Variants in LARP4 observed in about 807,000 individuals in gnomAD.
LARP4 encodes La ribonucleoprotein 4.
Under a neutral mutation model 92.9 loss-of-function variants are expected in LARP4, and 29 were observed. The ratio of observed to expected loss-of-function variants is 0.31; its 90% CI spans 0.23 to 0.43. LARP4 has a LOEUF of 0.43. LARP4 is among the 20% of genes least tolerant of loss of function. The pLI, the probability that LARP4 is intolerant of heterozygous loss-of-function variation, is 1.00. For missense variants in LARP4, 732 were observed against 860.0 expected, an observed-to-expected ratio of 0.85 and a Z score of 1.86; for synonymous variants, 279 against 284.1, an observed-to-expected ratio of 0.98 and a Z score of 0.18.
intron 1 of LARP4, among the ~76,000 whole-genome samples, chr12:50,406,147 A>G (rs878871898): frequency 1.3e-5 from 2 of 152,154 alleles, no homozygotes; most frequent in Non-Finnish European, 2.9e-5. Context: ...CATACGACCT[A>G]GGACGCTTTA....
chr12:50,412,092 A>T (rs948792835), intron 1 of LARP4, among the ~76,000 whole-genome samples: 1 of 152,174 alleles, frequency 6.6e-6, no homozygotes, highest in African/African-American at 2.4e-5. Flanking sequence ...TAAAATGTGG[A>T]TGATAATAGG....
At chr12:50,407,094 C>T (rs995569475) in intron 1 of LARP4, among the ~76,000 whole-genome samples, 4 of 152,100 alleles carry the variant, frequency 2.6e-5, no homozygotes, top group Non-Finnish European at 2.9e-5. Context: ...GGCATGATCT[C>T]GGCTCACTGC....
chr12:50,401,255 A>C, intron 1 of LARP4: 2 of 594,852 alleles, frequency 3.4e-6, no homozygotes, highest in Non-Finnish European at 3.0e-6. Context: ...TTGAAGGAGA[A>C]AAACGGAGGG....
chr12:50,466,055 G>A (rs749377642), intron 12 of LARP4, among the ~76,000 whole-genome samples: 1 of 152,122 alleles, frequency 6.6e-6, no homozygotes, highest in Non-Finnish European at 1.5e-5. Context: ...GTGTTCCCAA[G>A]GAAAGGATGG....
chr12:50,473,551 A>G lies in LARP4; in HGVS notation c.1667+15A>G, dbSNP rs1957166711. ...ACTGCATTAAGGTACAAGTTATAGT[A>G]TAGAAGATCTTCAACATTAAATTAC... On this transcript the variant is annotated intron_variant, in intron 14 of 15. Coordinates refer to ENST00000398473, the MANE Select transcript of LARP4 (RefSeq NM_052879.5). 3.7e-6 allele frequency: 6 copies of G among 1,606,572 alleles called. No homozygotes were observed. The highest frequency in any genetic ancestry group is 1.1e-5 in the South Asian group (1 of 90,832).
chr12:50,467,223 C>T (rs1489557271), intron 13 of LARP4, 103 bp downstream of exon 13: 1 of 850,562 alleles, frequency 1.2e-6, no homozygotes, highest in Non-Finnish European at 1.7e-6. Flanking sequence ...ACATTTCTAT[C>T]ATAGTTTTTA....
intron 13 of LARP4, among the ~76,000 whole-genome samples, chr12:50,470,521 T>A (rs1255004220): frequency 6.6e-6 from 1 of 151,488 alleles, no homozygotes. Flanking sequence ...GCAACCTCCA[T>A]CTCCCAGGTT....
chr12:50,408,119 T>C (rs987623490), intron 1 of LARP4, among the ~76,000 whole-genome samples: 4 of 146,820 alleles, frequency 2.7e-5, no homozygotes, highest in Non-Finnish European at 4.5e-5. Flanking sequence ...AATGCCAAAC[T>C]CCAGGGATGA....
intron 4 of LARP4, among the ~76,000 whole-genome samples, chr12:50,434,889 C>CA (rs943478690): frequency 6.0e-5 from 9 of 150,818 alleles, no homozygotes; most frequent in African/African-American, 1.5e-4. Flanking sequence ...CTAAAAAATA[C>CA]AAAAAAAAAT....
intron 9 of LARP4, 136 bp from the exon 10 acceptor site, chr12:50,454,178 A>T: frequency 1.6e-6 from 1 of 606,534 alleles, no homozygotes; most frequent in Non-Finnish European, 2.9e-6. Flanking sequence ...AATATTGCAG[A>T]AATGAATCAG....
chr12:50,470,844 T>C (rs7964643), intron 13 of LARP4, among the ~76,000 whole-genome samples: 17,817 of 152,202 alleles, frequency 0.12, 1,921 homozygotes, highest in African/African-American at 0.28. Flanking sequence ...CCTTCAGATA[T>C]AAACATTATT....
chr12:50,428,317 C>A (rs917633936), intron 2 of LARP4, among the ~76,000 whole-genome samples: 1 of 152,112 alleles, frequency 6.6e-6, no homozygotes, highest in Non-Finnish European at 1.5e-5. Context: ...TGTGAACCAC[C>A]ATGCCTGGCC....
At chr12:50,430,385 T>G (rs1949463479) in intron 3 of LARP4, 110 bp from the exon 4 acceptor site, 1 of 611,642 alleles carries the variant, frequency 1.6e-6, no homozygotes, top group Non-Finnish European at 2.9e-6. Flanking sequence ...AGCTTTGTGG[T>G]GAATTTTGAT....
At position 50,478,314 on chromosome 12, in the gene LARP4, T is replaced by A. The variant is rs1175222208; in HGVS notation, c.*2450T>A. On this transcript the variant is annotated 3_prime_UTR_variant, in exon 16 of 16. Coordinates refer to ENST00000398473, the MANE Select transcript of LARP4 (RefSeq NM_052879.5). ...ATTTGATGGCATGTATAGGGAAGAG[T>A]GAGAGAGTGTGTGTGTGTGTATGTG... 1 of 151,676 alleles carries A rather than the reference T, an allele frequency of 6.6e-6. No homozygotes were observed. Among genetic ancestry groups the A allele is most frequent in the Non-Finnish European group, 1.5e-5 (1 of 67,808 alleles). The allele number at this position is 151,676 out of a possible 1,614,324, so 9.4% of individuals were successfully genotyped here. A position where few individuals can be genotyped will look rare whatever the true frequency, so the allele number is the denominator to read the frequency against.
intron 6 of LARP4, among the ~76,000 whole-genome samples, chr12:50,438,179 GA>G: frequency 6.6e-6 from 1 of 152,176 alleles, no homozygotes; most frequent in African/African-American, 2.4e-5. Flanking sequence ...AAGAATGAAT[GA>G]AAAACTAGAT....
chr12:50,469,900 ACT>A (rs1956712177), intron 13 of LARP4, among the ~76,000 whole-genome samples: 2 of 149,568 alleles, frequency 1.3e-5, no homozygotes, highest in Admixed American at 1.4e-4. Flanking sequence ...CAAGAGCAAG[ACT>A]CTGTCTCAAA....
intron 8 of LARP4, among the ~76,000 whole-genome samples, chr12:50,442,480 T>C (rs1184563412): frequency 2.0e-5 from 3 of 152,214 alleles, no homozygotes; most frequent in Non-Finnish European, 2.9e-5. Context: ...TTACCAGTTT[T>C]TCCCCCCCTT....
At chr12:50,470,618 G>A (rs922518104) in intron 13 of LARP4, among the ~76,000 whole-genome samples, 1 of 152,106 alleles carries the variant, frequency 6.6e-6, no homozygotes, top group African/African-American at 2.4e-5. Context: ...GTTTTTAGTA[G>A]AGATGGGGTT....
chr12:50,419,503 T>C (rs1947382388), intron 1 of LARP4, among the ~76,000 whole-genome samples: 1 of 152,226 alleles, frequency 6.6e-6, no homozygotes. Context: ...GGCTAGATTT[T>C]GCACTACCTA....
Sources: gnomAD v4.1 joint callset for allele counts (sites outside exome capture counted in the v4.1 genomes callset) on GRCh38, gnomAD v4.1.1 for gene constraint, MANE v1.5 for transcripts, NCBI Gene and HGNC (gene_info 2026-07-23, HGNC 2026-07-21) for gene names.